FUT6: variants seen among roughly 807,000 people sequenced by gnomAD.
The protein encoded by FUT6 is 4-galactosyl-N-acetylglucosaminide 3-alpha-L-fucosyltransferase FUT6.
For synonymous variants in FUT6, 187 were observed against 209.9 expected, an observed-to-expected ratio of 0.89 and a Z score of 0.94; for missense variants, 454 against 494.6, an observed-to-expected ratio of 0.92 and a Z score of 0.78.
At position 5,838,970 on chromosome 19, in the gene FUT6, C is replaced by G. The variant is rs1457684006; in HGVS notation, c.-434G>C. ...GACTCAGGTCATGCATGACCTTGCC[C>G]CACCTGTGGCTTCAATGCGATGTGG... is the stretch of plus-strand genomic sequence containing the variant. On this transcript the variant is annotated 5_prime_UTR_variant, in exon 1 of 3. Coordinates refer to ENST00000318336, the MANE Select transcript of FUT6 (RefSeq NM_000150.4). 6.6e-6 allele frequency: 1 copy of G among 152,170 alleles called. No individual in the cohort carries two copies. 9.4% of individuals were successfully genotyped at this position (152,170 alleles called of 1,614,324 possible). A position where few individuals can be genotyped will look rare whatever the true frequency, so the allele number is the denominator to read the frequency against.
At position 5,832,464 on chromosome 19, in the gene FUT6, C is replaced by G. The variant is rs144807324; in HGVS notation, c.104G>C (p.Arg35Pro). ...LMAVCFFSYL[R>P]VSQDDPTVYP... ...CACAGTGGGATCGTCTTGAGACACA[C>G]GCAGATAGGAGAAGAAACACACAGC... The change falls in exon 3 of 3, where the codon CGT becomes CCT. Residue 35 changes from arginine to proline, a missense_variant. Transcript: ENST00000318336. The surrounding 1 kb of genome is among the most constrained non-coding windows in gnomAD (Gnocchi z 4.3). 2 of 1,613,818 alleles carry G rather than the reference C, an allele frequency of 1.2e-6. No individual in the cohort carries two copies. The highest frequency in any genetic ancestry group is 1.1e-5 in the South Asian group (1 of 91,070).
chr19:5,833,948 A>G (rs1455349017), intron 2 of FUT6, among the ~76,000 whole-genome samples: 1 of 151,846 alleles, frequency 6.6e-6, no homozygotes, highest in Non-Finnish European at 1.5e-5. Flanking sequence ...CGTGGTCAAC[A>G]TGGAGAACCC....
intron 1 of FUT6, chr19:5,837,849 G>A (rs955471389): frequency 6.6e-6 from 1 of 152,198 alleles, no homozygotes; most frequent in African/African-American, 2.4e-5. Context: ...CAGGCATGGT[G>A]ACCTAGGTGT....
rs563237152 is a variant in FUT6, at chr19:5,831,609, C to T, written c.959G>A (p.Arg320His). ...KDHARYLSYF[R>H]WRETLRPRSF... Reference sequence around the variant, plus strand: ...GCGAGGCCGCAGCGTCTCCCGCCAGCGAAAGTAGCTCAGGTAGCGGGCGTG... The same window carrying T: ...GCGAGGCCGCAGCGTCTCCCGCCAGTGAAAGTAGCTCAGGTAGCGGGCGTG... Residue 320 changes from arginine (R) to histidine (H), a missense_variant, in exon 3 of 3, where the codon CGC becomes CAC. Transcript: ENST00000318336. This position sits in a 1 kb window ranked among gnomAD's most constrained non-coding sequence, Gnocchi z 7.0. The T allele has an allele frequency of 2.7e-5, 44 of 1,614,022 alleles. No individual in the cohort carries two copies. Among genetic ancestry groups the T allele is most frequent in the Admixed American group, 1.0e-4 (6 of 60,024 alleles).
Position 5,831,875 on chromosome 19 carries a change from T to C in FUT6, c.693A>G (p.Gly231=), listed in dbSNP as rs443907. The C allele has an allele frequency of 7.6e-5, 123 of 1,613,536 alleles. No individual in the cohort carries two copies. The highest frequency in any genetic ancestry group is 1.9e-4 in the African/African-American group (14 of 74,970). Residue 231 remains glycine (G), a synonymous_variant, in exon 3 of 3, where the codon GGA becomes GGG. Transcript: ENST00000318336. The surrounding 1 kb of genome is among the most constrained non-coding windows in gnomAD (Gnocchi z 7.0). Reference sequence around the variant, plus strand: ...ACCGGGACAGCGTCTCCATCATGGTTCCCTGGGGCAGGGGCTTGTGGGAGC... The same window carrying C: ...ACCGGGACAGCGTCTCCATCATGGTCCCCTGGGGCAGGGGCTTGTGGGAGC... The part of the protein sequence containing the change: ...YGRSHKPLPQ[G]TMMETLSRYK...
intron 1 of FUT6, among the ~76,000 whole-genome samples, chr19:5,837,218 A>G (rs1024332385): frequency 6.6e-6 from 1 of 151,552 alleles, no homozygotes; most frequent in Non-Finnish European, 1.5e-5. Context: ...CTGTCTTTTT[A>G]GTAGAGATGG....
In FUT6 at chr19:5,832,851, C is replaced by G. The variant is rs1484252307; in HGVS notation, c.-12-272G>C. The G allele has an allele frequency of 4.0e-6, 2 of 498,186 alleles. No homozygotes were observed. The highest frequency in any genetic ancestry group is 2.2e-5 in the South Asian group (1 of 44,590). 30.9% of individuals were successfully genotyped at this position (498,186 alleles called of 1,614,324 possible). On this transcript the variant is annotated intron_variant, in intron 2 of 2. Coordinates refer to ENST00000318336, the MANE Select transcript of FUT6 (RefSeq NM_000150.4). This position sits in a 1 kb window ranked among gnomAD's most constrained non-coding sequence, Gnocchi z 4.3. ...AGTTGGGAGAGGCCCCAAGGGCCCT[C>G]AGGTCCCACCTTGATCCTGTCCTTT...
At position 5,832,179 on chromosome 19, in the gene FUT6, C is replaced by T. The variant is rs200897572; in HGVS notation, c.389G>A (p.Arg130Gln). The change falls in exon 3 of 3, where the codon CGA (arginine) becomes CAA (glutamine). Residue 130 changes from arginine (R) to glutamine (Q), a missense_variant. Arg to Gln is a conservative substitution (Grantham distance 43). Transcript: ENST00000318336. This position sits in a 1 kb window ranked among gnomAD's most constrained non-coding sequence, Gnocchi z 4.3. ...GGACTCCATGCTGAACCAGATCCAT[C>T]GCTGCCCCTGCCGCCTCGGGGAGCG... ...LPRSPRRQGQ[R>Q]WIWFSMESPS... is the part of the protein sequence containing the mutation. 294 of 1,613,814 alleles carry T rather than the reference C, an allele frequency of 1.8e-4. No homozygotes were observed. Among genetic ancestry groups the T allele is most frequent in the African/African-American group, 2.4e-4 (18 of 75,006 alleles).
chr19:5,837,888 A>G (rs943204842), intron 1 of FUT6: 3 of 152,258 alleles, frequency 2.0e-5, no homozygotes, highest in Non-Finnish European at 4.4e-5. Context: ...GCACAAGCGC[A>G]TACCAAAGTT....
chr19:5,835,985 A>T (rs1184785603), intron 1 of FUT6, among the ~76,000 whole-genome samples: 10 of 152,040 alleles, frequency 6.6e-5, no homozygotes, highest in South Asian at 6.2e-4. Flanking sequence ...ACATCCTGAG[A>T]TCAAGTGATT....
chr19:5,838,410 G>C (rs566585429), intron 1 of FUT6: 1 of 152,440 alleles, frequency 6.6e-6, no homozygotes, highest in South Asian at 2.1e-4. Context: ...CTTCCTCCTG[G>C]TTTGGCAAAT....
rs2057115399 is a variant in FUT6, at chr19:5,832,294, T to C, written c.274A>G (p.Ile92Val). Residue 92 changes from isoleucine (I) to valine (V), a missense_variant, in exon 3 of 3, where the codon ATC becomes GTC. Transcript: ENST00000318336. The surrounding 1 kb of genome is among the most constrained non-coding windows in gnomAD (Gnocchi z 4.3). ...EMVPGTADCN[I>V]TADRKVYPQA... ...GGATACACCTTGCGGTCGGCAGTGA[T>C]GTTGCAGTCAGCCGTGCCAGGCACC... The C allele has an allele frequency of 1.2e-6, 2 of 1,613,776 alleles. No homozygotes were observed. The highest frequency in any genetic ancestry group is 3.3e-5 in the Admixed American group (2 of 59,980).
rs1283291688 is a variant in FUT6 at position 5,831,463 on chromosome 19, G to A, written c.*25C>T. On this transcript the variant is annotated 3_prime_UTR_variant, in exon 3 of 3. Transcript: ENST00000318336. This position sits in a 1 kb window ranked among gnomAD's most constrained non-coding sequence, Gnocchi z 7.0. The stretch of plus-strand genomic sequence containing the variant: ...AGGCCCCAGGAAAATGAGGTTCCTG[G>A]CAGCCCAGGCCCCACACCAGCCTCT... 8 of 1,613,634 alleles carry A rather than the reference G, an allele frequency of 5.0e-6. No homozygotes were observed. In the East Asian group the frequency reaches 1.6e-4, roughly 31 times the overall value.
At position 5,839,569 on chromosome 19, in the gene FUT6, T is replaced by C. The variant is rs1384665002; in HGVS notation, c.-1033A>G. ...TCTGGTAGGCTGGGCACAGGTCCCA[T>C]ATTGGTGGCAGAAGCTTCCTCCGGT... On this transcript the variant is annotated 5_prime_UTR_variant, in exon 1 of 3. The change creates a new upstream start codon in the 5' untranslated region. Transcript: ENST00000318336. 6.6e-6 allele frequency: 1 copy of C among 152,216 alleles called. No individual in the cohort carries two copies. The highest frequency in any genetic ancestry group is 1.5e-5 in the Non-Finnish European group (1 of 68,088). The allele number at this position is 152,216 out of a possible 1,614,324, so 9.4% of individuals were successfully genotyped here.
chr19:5,833,857 T>C (rs1162732444), intron 2 of FUT6, among the ~76,000 whole-genome samples: 3 of 149,586 alleles, frequency 2.0e-5, no homozygotes, highest in Non-Finnish European at 4.4e-5. Context: ...CAGGGCCGGG[T>C]GCATTGGCTC....
In FUT6 at chr19:5,831,660, C is replaced by A. The variant is rs142915411; in HGVS notation, c.908G>T (p.Arg303Leu). 1.9e-6 allele frequency: 3 copies of A among 1,612,662 alleles called. No individual in the cohort carries two copies. The highest frequency in any genetic ancestry group is 2.5e-6 in the Non-Finnish European group (3 of 1,179,854). ...GTCCTTGTCCAGCTCCTGCAGGTACCGGGCCAGGTCCTTGGGGCTCTGGAA... is the reference window on the plus strand; with the variant it reads ...GTCCTTGTCCAGCTCCTGCAGGTACAGGGCCAGGTCCTTGGGGCTCTGGAA... ...DDFQSPKDLARYLQELDKDHA... is the reference protein window; with the variant it reads ...DDFQSPKDLALYLQELDKDHA... The change falls in exon 3 of 3, where the codon CGG becomes CTG. Residue 303 changes from arginine to leucine, a missense_variant. Transcript: ENST00000318336. The surrounding 1 kb of genome is among the most constrained non-coding windows in gnomAD (Gnocchi z 7.0).
At chr19:5,837,359 C>T (rs2057194224) in intron 1 of FUT6, among the ~76,000 whole-genome samples, 2 of 151,636 alleles carry the variant, frequency 1.3e-5, no homozygotes, top group Admixed American at 1.3e-4. Context: ...AAACTAAATA[C>T]AGATTGAGTA....
intron 2 of FUT6, among the ~76,000 whole-genome samples, chr19:5,834,024 C>T (rs916198946): frequency 2.0e-5 from 3 of 151,770 alleles, no homozygotes; most frequent in Admixed American, 1.3e-4. Flanking sequence ...CCCAGCTACT[C>T]GGGAGACAGA....
Position 5,832,097 on chromosome 19 carries a change from G to A in FUT6, c.471C>T (p.Ser157=). 6.2e-7 allele frequency: 1 copy of A among 1,612,972 alleles called. No homozygotes were observed. Among genetic ancestry groups the A allele is most frequent in the East Asian group, 2.2e-5 (1 of 44,778 alleles). ...AMDGYFNLTM[S]YRSDSDIFTP... ...TGAAGATGTCGGAGTCGCTGCGGTA[G>A]GACATGGTGAGATTGAAGTATCCGT... Residue 157 remains serine, a synonymous_variant, in exon 3 of 3, where the codon TCC becomes TCT. Transcript: ENST00000318336. The surrounding 1 kb of genome is among the most constrained non-coding windows in gnomAD (Gnocchi z 4.3).
Sources: gnomAD v4.1 joint callset for allele counts (sites outside exome capture counted in the v4.1 genomes callset) on GRCh38, gnomAD v4.1.1 for gene constraint, Gnocchi (gnomAD v3.1) non-coding constraint, MANE v1.5 for transcripts, NCBI Gene and HGNC (gene_info 2026-07-23, HGNC 2026-07-21) for gene names.